Variants in CSMD3 observed in about 807,000 individuals in gnomAD.
CSMD3 encodes the protein CUB and sushi domain-containing protein 3.
CSMD3 carries 177 observed loss-of-function variants against 435.2 expected under a neutral mutation model. The observed-to-expected ratio is 0.41, with a 90% CI of 0.36 to 0.46. The LOEUF is 0.46. CSMD3 is among the 20% of genes least tolerant of loss of function. CSMD3 has a pLI of 0.34. For synonymous variants in CSMD3, 1,656 were observed against 1,520.5 expected, an observed-to-expected ratio of 1.09 and a Z score of -2.07; for missense variants, 4,265 against 4,504.6, an observed-to-expected ratio of 0.95 and a Z score of 1.52.
At chr8:112,603,543 T>C (rs991186672) in intron 22 of CSMD3, among the ~76,000 whole-genome samples, 1 of 152,210 alleles carries the variant, frequency 6.6e-6, no homozygotes, top group Non-Finnish European at 1.5e-5. Context: ...TTTACATTCC[T>C]CTCCACTGCA....
chr8:113,061,531 T>G lies in CSMD3; in HGVS notation c.917+37225A>C, dbSNP rs77555715. On this transcript the variant is annotated intron_variant, in intron 5 of 70. Transcript: ENST00000297405. ...CAAAATGGCCTGATGTTTTCATGTG[T>G]TTTTGAATTGATTAGTAAAAGGTAT... 4.8e-3 allele frequency among the ~76,000 whole-genome samples: 735 copies of G among 152,242 alleles called. 6 individuals carry two copies. The highest frequency in any genetic ancestry group is 0.017 in the African/African-American group (690 of 41,564).
chr8:112,719,519 C>T (rs1291533629), intron 13 of CSMD3, among the ~76,000 whole-genome samples: 1 of 152,050 alleles, frequency 6.6e-6, no homozygotes, highest in Non-Finnish European at 1.5e-5. Context: ...AGTTGGCTGC[C>T]TTCTTGATAT....
chr8:113,291,123 C>T lies in CSMD3; in HGVS notation c.402-12419G>A, dbSNP rs151142985. Among the ~76,000 whole-genome samples the T allele has an allele frequency of 1.2e-4, 18 of 151,356 alleles. No homozygotes were observed. In the East Asian group the frequency reaches 2.9e-3, roughly 24 times the overall value. ...GTGAGATTTACTAATATGAGAAATG[C>T]CAATTTAATTATATTTTAGTAAACT... On this transcript the variant is annotated intron_variant, in intron 2 of 70. Coordinates refer to ENST00000297405, the MANE Select transcript of CSMD3 (RefSeq NM_198123.2).
intron 4 of CSMD3, among the ~76,000 whole-genome samples, chr8:113,167,319 A>G (rs1421834977): frequency 6.6e-6 from 1 of 152,204 alleles, no homozygotes; most frequent in East Asian, 1.9e-4. Context: ...TAAGCATTAA[A>G]TAAATTTTTC....
At chr8:113,327,256 T>G (rs2093990274) in intron 1 of CSMD3, among the ~76,000 whole-genome samples, 1 of 152,208 alleles carries the variant, frequency 6.6e-6, no homozygotes, top group South Asian at 2.1e-4. Flanking sequence ...AAATTAGTGA[T>G]AACATATTAC....
intron 1 of CSMD3, among the ~76,000 whole-genome samples, chr8:113,328,426 A>G (rs13248090): frequency 0.66 from 92,578 of 140,452 alleles, 31,516 homozygotes; most frequent in Admixed American, 0.76. Context: ...CGACAGAGCG[A>G]GACTCCGTCT....
At chr8:112,951,419 C>T (rs1483804797) in intron 8 of CSMD3, among the ~76,000 whole-genome samples, 2 of 151,734 alleles carry the variant, frequency 1.3e-5, no homozygotes, top group East Asian at 3.9e-4. Context: ...AATAAGTGGA[C>T]TCTGACTAAA....
chr8:113,219,265 A>C (rs1371627788), intron 3 of CSMD3, among the ~76,000 whole-genome samples: 1 of 151,360 alleles, frequency 6.6e-6, no homozygotes, highest in Non-Finnish European at 1.5e-5. Flanking sequence ...AAGAAATATG[A>C]CAATAGAGAA....
At chr8:112,866,752 T>C (rs900412733) in intron 10 of CSMD3, among the ~76,000 whole-genome samples, 2 of 152,148 alleles carry the variant, frequency 1.3e-5, no homozygotes, top group African/African-American at 4.8e-5. Flanking sequence ...TAACTTGGTA[T>C]TGACAACAGC....
intron 4 of CSMD3, among the ~76,000 whole-genome samples, chr8:113,109,034 A>G (rs1343714070): frequency 6.6e-6 from 1 of 152,230 alleles, no homozygotes; most frequent in Non-Finnish European, 1.5e-5. Context: ...CAGACTTATT[A>G]TACAGCTGCC....
At chr8:112,984,602 A>G (rs569527345) in intron 6 of CSMD3, among the ~76,000 whole-genome samples, 34 of 152,204 alleles carry the variant, frequency 2.2e-4, no homozygotes, top group African/African-American at 8.2e-4. Flanking sequence ...TCTTCCCTGG[A>G]GGAGAGACAG....
chr8:112,504,072 T>G, intron 29 of CSMD3, 95 bp from the exon 30 acceptor site: 1 of 742,522 alleles, frequency 1.3e-6, no homozygotes. Flanking sequence ...CAAACATTAA[T>G]TCAGTGCTTA....
intron 32 of CSMD3, among the ~76,000 whole-genome samples, chr8:112,447,095 C>T (rs1410107754): frequency 6.6e-6 from 1 of 151,992 alleles, no homozygotes; most frequent in South Asian, 2.1e-4. Flanking sequence ...AATATAGTAG[C>T]AAATTTATCA....
chr8:113,313,251 G>C (rs533415670), intron 2 of CSMD3: 1 of 152,106 alleles, frequency 6.6e-6, no homozygotes, highest in African/African-American at 2.4e-5. Context: ...CTCATCTCCA[G>C]ATCCACCATT....
intron 67 of CSMD3, among the ~76,000 whole-genome samples, chr8:112,235,403 A>C (rs139045714): frequency 0.02 from 3,047 of 152,084 alleles, 44 homozygotes; most frequent in Middle Eastern, 0.034. Context: ...AAAAAACAAA[A>C]AACAAAAACA....
intron 1 of CSMD3, among the ~76,000 whole-genome samples, chr8:113,399,181 A>G (rs1036343004): frequency 1.3e-5 from 2 of 148,964 alleles, no homozygotes; most frequent in African/African-American, 4.9e-5. Context: ...CCTATATATA[A>G]AACAAGTATT....
chr8:113,035,409 T>C (rs2087302185), intron 5 of CSMD3, among the ~76,000 whole-genome samples: 1 of 151,996 alleles, frequency 6.6e-6, no homozygotes, highest in African/African-American at 2.4e-5. Flanking sequence ...TATGGATGCA[T>C]ACTATATGAT....
chr8:113,351,074 C>T (rs183720121), intron 1 of CSMD3, among the ~76,000 whole-genome samples: 1 of 152,138 alleles, frequency 6.6e-6, no homozygotes, highest in Non-Finnish European at 1.5e-5. Context: ...CTCACTGTAG[C>T]CTTCACCACA....
chr8:112,959,981 GA>G (rs571097500), intron 7 of CSMD3, among the ~76,000 whole-genome samples: 6 of 151,854 alleles, frequency 4.0e-5, no homozygotes, highest in Non-Finnish European at 8.9e-5. Flanking sequence ...AGTTCTAAGA[GA>G]TGTAATTCTT....
Sources: allele counts gnomAD v4.1 joint callset (sites outside exome capture counted in the v4.1 genomes callset), GRCh38; gene constraint gnomAD v4.1.1; transcripts MANE v1.5; gene names NCBI Gene and HGNC (gene_info 2026-07-23, HGNC 2026-07-21).